The following PLD5 variants were observed in gnomAD, a reference collection of about 807,000 sequenced individuals.
PLD5 encodes phospholipase D family member 5, also known as inactive phospholipase D5.
In PLD5, 36 loss-of-function variants were observed where a neutral mutation model predicts 61.1. The ratio of observed to expected loss-of-function variants is 0.59; its 90% confidence interval spans 0.45 to 0.78. PLD5 has a LOEUF of 0.78. PLD5 is among the 30% of genes least tolerant of loss of function. The pLI, the probability that PLD5 is intolerant of heterozygous loss-of-function variation, is 0.00. For synonymous variants in PLD5, 243 were observed against 242.8 expected (o/e 1.00, Z -0.01); for missense variants, 515 against 644.4 (o/e 0.80, Z 2.17).
intron 4 of PLD5, among the ~76,000 whole-genome samples, chr1:242,255,588 A>G (rs1356378700): frequency 6.6e-6 from 1 of 152,244 alleles, no homozygotes. Context: ...CCTAAAACTT[A>G]AAGTATAATA....
At chr1:242,109,741 A>G (rs1416566802) in intron 7 of PLD5, among the ~76,000 whole-genome samples, 3 of 151,988 alleles carry the variant, frequency 2.0e-5, no homozygotes, top group African/African-American at 7.3e-5. Context: ...GGGGAAACTG[A>G]ATATTTTGAA....
chr1:242,495,662 C>G (rs1405197083), intron 1 of PLD5, among the ~76,000 whole-genome samples: 1 of 152,036 alleles, frequency 6.6e-6, no homozygotes. Flanking sequence ...AGAATGTTAA[C>G]AAGGAGAGAA....
At chr1:242,118,421 T>C (rs1662114734) in intron 6 of PLD5, among the ~76,000 whole-genome samples, 1 of 152,248 alleles carries the variant, frequency 6.6e-6, no homozygotes, top group Non-Finnish European at 1.5e-5. Flanking sequence ...CCCTTCTTTG[T>C]GGAACTTCAT....
intron 1 of PLD5, among the ~76,000 whole-genome samples, chr1:242,488,406 A>G (rs2102972473): frequency 6.6e-6 from 1 of 152,350 alleles, no homozygotes; most frequent in South Asian, 2.1e-4. Flanking sequence ...ATAAGCTATC[A>G]TGCTTATGGA....
chr1:242,435,550 T>C (rs1503795), intron 1 of PLD5, among the ~76,000 whole-genome samples: 40,154 of 152,060 alleles, frequency 0.26, 6,682 homozygotes, highest in African/African-American at 0.47. Flanking sequence ...GCCTAAGTTA[T>C]AGCACTGTTG....
At chr1:242,105,363 A>T (rs1660970275) in intron 8 of PLD5, among the ~76,000 whole-genome samples, 1 of 151,908 alleles carries the variant, frequency 6.6e-6, no homozygotes, top group South Asian at 2.1e-4. Context: ...AGCTAGGATT[A>T]CAGGTGTGCA....
At chr1:242,248,363 TA>T (rs1672511069) in intron 4 of PLD5, among the ~76,000 whole-genome samples, 1 of 151,892 alleles carries the variant, frequency 6.6e-6, no homozygotes, top group Admixed American at 6.6e-5. Context: ...TCCTATAGCT[TA>T]AAAACATACA....
intron 9 of PLD5, among the ~76,000 whole-genome samples, 174 bp from the exon 10 acceptor site, chr1:242,090,284 G>C (rs1033517441): frequency 6.6e-6 from 1 of 152,116 alleles, no homozygotes; most frequent in Non-Finnish European, 1.5e-5. Context: ...CTTACATATG[G>C]CATATTAATA....
At chr1:242,304,717 G>C (rs1053334155) in intron 2 of PLD5, among the ~76,000 whole-genome samples, 11 of 152,084 alleles carry the variant, frequency 7.2e-5, no homozygotes, top group Non-Finnish European at 1.5e-4. Flanking sequence ...TTATTTTCTT[G>C]ATATAAAACT....
intron 5 of PLD5, chr1:242,209,208 G>C (rs967472174): frequency 6.6e-6 from 1 of 152,048 alleles, no homozygotes; most frequent in Admixed American, 6.6e-5. Context: ...TTCCTTCGTG[G>C]TGTTTTTAGG....
At chr1:242,184,200 G>C (rs1390084270) in intron 5 of PLD5, among the ~76,000 whole-genome samples, 2 of 152,072 alleles carry the variant, frequency 1.3e-5, no homozygotes, top group Non-Finnish European at 2.9e-5. Flanking sequence ...GTTTCGCCAT[G>C]AACACTGAAA....
intron 8 of PLD5, among the ~76,000 whole-genome samples, chr1:242,102,580 G>T (rs1320264601): frequency 6.6e-6 from 1 of 152,194 alleles, no homozygotes; most frequent in East Asian, 1.9e-4. Context: ...GGCTGGAGGT[G>T]GTTGGAGGTG....
intron 1 of PLD5, among the ~76,000 whole-genome samples, chr1:242,512,655 C>T (rs1279972483): frequency 6.6e-6 from 1 of 152,176 alleles, no homozygotes; most frequent in African/African-American, 2.4e-5. Context: ...CCAAAACAGT[C>T]TACCATAAAC....
intron 1 of PLD5, among the ~76,000 whole-genome samples, chr1:242,523,431 T>C (rs1036683237): frequency 2.6e-5 from 4 of 151,218 alleles, no homozygotes; most frequent in African/African-American, 9.8e-5. Flanking sequence ...TCCTTGGGAG[T>C]AGAGGTCCCC....
intron 1 of PLD5, among the ~76,000 whole-genome samples, chr1:242,501,720 A>G (rs1457875436): frequency 6.6e-6 from 1 of 151,900 alleles, no homozygotes; most frequent in African/African-American, 2.4e-5. Context: ...CTGGAAAAAA[A>G]TAGATTTAAA....
chr1:242,153,839 CT>C (rs531426041), intron 5 of PLD5, among the ~76,000 whole-genome samples: 1 of 152,216 alleles, frequency 6.6e-6, no homozygotes, highest in East Asian at 1.9e-4. Context: ...TATGTGGGCT[CT>C]TTTTTGGTTC....
At chr1:242,523,844 G>T (rs1463902732) in intron 1 of PLD5, among the ~76,000 whole-genome samples, 3 of 152,224 alleles carry the variant, frequency 2.0e-5, no homozygotes, top group African/African-American at 7.2e-5. Context: ...GGAGACGCAG[G>T]TGGGCAGGTC....
intron 2 of PLD5, among the ~76,000 whole-genome samples, chr1:242,341,368 A>G (rs1464930766): frequency 1.3e-5 from 2 of 152,222 alleles, no homozygotes; most frequent in East Asian, 3.9e-4. Context: ...ATATTGATGA[A>G]CCAAATTTTG....
intron 4 of PLD5, among the ~76,000 whole-genome samples, chr1:242,224,259 TAAATC>T (rs1335438196): frequency 6.6e-6 from 1 of 152,158 alleles, no homozygotes; most frequent in Non-Finnish European, 1.5e-5. Flanking sequence ...ATATAATAAA[TAAATC>T]AAATTCTTTC....
Sources: allele counts gnomAD v4.1 joint callset (sites outside exome capture counted in the v4.1 genomes callset), GRCh38; gene constraint gnomAD v4.1.1; transcripts MANE v1.5; gene names NCBI Gene and HGNC (gene_info 2026-07-23, HGNC 2026-07-21).